Variants in AHDC1 observed in about 807,000 individuals in gnomAD.
The protein encoded by AHDC1 is transcription factor Gibbin.
AHDC1 carries 7 observed loss-of-function variants against 87.9 expected under a neutral mutation model. That is an observed-to-expected ratio of 0.08 (90% confidence interval 0.05 to 0.15). AHDC1 has a LOEUF of 0.15. Among genes scored for constraint, AHDC1 ranks in the 10% least tolerant of loss-of-function variants. The pLI, the probability that AHDC1 is intolerant of heterozygous loss-of-function variation, is 1.00. For synonymous variants in AHDC1, 1,051 were observed against 1,006.8 expected, an observed-to-expected ratio of 1.04 and a Z score of -0.83; for missense variants, 1,841 against 2,253.2, an observed-to-expected ratio of 0.82 and a Z score of 3.70.
chr1:27,601,010 C>T (rs935673540), intron 3 of AHDC1, among the ~76,000 whole-genome samples: 4 of 152,134 alleles, frequency 2.6e-5, no homozygotes, highest in Non-Finnish European at 5.9e-5. Flanking sequence ...GCTCCCTGCC[C>T]CCACGACCCT....
At chr1:27,535,272 G>C (rs2018592238) in intron 8 of AHDC1, among the ~76,000 whole-genome samples, 1 of 152,210 alleles carries the variant, frequency 6.6e-6, no homozygotes, top group South Asian at 2.1e-4. Flanking sequence ...CCTTGGGCAT[G>C]TTGTTGAACT....
At chr1:27,572,448 AT>A (rs1259945159) in intron 3 of AHDC1, among the ~76,000 whole-genome samples, 2 of 152,118 alleles carry the variant, frequency 1.3e-5, no homozygotes, top group Non-Finnish European at 2.9e-5. Context: ...ACAACCTGAC[AT>A]CTGATAGCAG....
chr1:27,552,098 C>T lies in AHDC1; in HGVS notation c.18G>A (p.Gln6=). 6.8e-7 allele frequency: 1 copy of T among 1,469,872 alleles called. No individual in the cohort carries two copies. Among genetic ancestry groups the T allele is most frequent in the Non-Finnish European group, 9.0e-7 (1 of 1,111,312 alleles). 91.1% of individuals were successfully genotyped at this position (1,469,872 alleles called of 1,614,324 possible). A position where few individuals can be genotyped will look rare whatever the true frequency, so the allele number is the denominator to read the frequency against. The change falls in exon 8 of 9, where the codon CAG becomes CAA. Residue 6 remains glutamine, a synonymous_variant. Coordinates refer to ENST00000673934, the MANE Select transcript of AHDC1 (RefSeq NM_001371928.1). ...CGGCACTGGAAGTCACCACCAGGCCCTGGGGCTTCACACGCATCCTGACCT... is the reference window on the plus strand; with the variant it reads ...CGGCACTGGAAGTCACCACCAGGCCTTGGGGCTTCACACGCATCCTGACCT... MRVKP[Q]GLVVTSSAVC...
intron 3 of AHDC1, among the ~76,000 whole-genome samples, chr1:27,573,311 G>A (rs1438255733): frequency 2.6e-5 from 4 of 152,170 alleles, no homozygotes; most frequent in South Asian, 4.1e-4. Context: ...AAGGCCCAGA[G>A]AGGGGAAGCA....
rs1305664980 is a variant in AHDC1, at chr1:27,547,097, G to A, written c.*43+164C>T. ...ACCCCATCTCCTCCTGAGACTGTCCGCAACAGCGAATCCTGAATCCCTACA... is the reference window on the plus strand; with the variant it reads ...ACCCCATCTCCTCCTGAGACTGTCCACAACAGCGAATCCTGAATCCCTACA... On this transcript the variant is annotated intron_variant, in intron 8 of 8. Transcript: ENST00000673934. This position sits in a 1 kb window ranked among gnomAD's most constrained non-coding sequence, Gnocchi z 4.9. 6.6e-6 allele frequency among the ~76,000 whole-genome samples: 1 copy of A among 150,906 alleles called. No homozygotes were observed. Among genetic ancestry groups the A allele is most frequent in the Non-Finnish European group, 1.5e-5 (1 of 67,818 alleles).
chr1:27,546,087 G>A (rs1020129183), intron 8 of AHDC1, among the ~76,000 whole-genome samples: 16 of 152,186 alleles, frequency 1.1e-4, no homozygotes, highest in Non-Finnish European at 2.4e-4. Context: ...CAGGAGCCCA[G>A]CTACTCCTCC....
chr1:27,602,986 T>TCCCCCC (rs552714980), intron 3 of AHDC1, among the ~76,000 whole-genome samples: 6 of 69,824 alleles, frequency 8.6e-5, no homozygotes, highest in Admixed American at 1.4e-4. Flanking sequence ...CCCCCTTCAT[T>TCCCCCC]CCCCCCCCCC....
chr1:27,553,149 T>C lies in AHDC1; in HGVS notation c.-188A>G, dbSNP rs2019653951. On this transcript the variant is annotated 5_prime_UTR_variant, in exon 6 of 9. Transcript: ENST00000673934. ...TCAGCTGGGGGTGCTGTGGAGCAAC[T>C]TCGGCCTGAGCCCAGGCCTCGGGGC... 6.6e-6 allele frequency: 1 copy of C among 152,664 alleles called. No homozygotes were observed. The highest frequency in any genetic ancestry group is 1.5e-5 in the Non-Finnish European group (1 of 68,088). 9.5% of individuals were successfully genotyped at this position (152,664 alleles called of 1,614,324 possible). A position where few individuals can be genotyped will look rare whatever the true frequency, so the allele number is the denominator to read the frequency against.
chr1:27,576,073 C>T (rs1238132080), intron 3 of AHDC1, among the ~76,000 whole-genome samples: 1 of 152,070 alleles, frequency 6.6e-6, no homozygotes, highest in South Asian at 2.1e-4. Context: ...GGCTCCAGGG[C>T]GCCCGCTACC....
chr1:27,572,059 G>GC (rs754760624), intron 3 of AHDC1, among the ~76,000 whole-genome samples: 2 of 151,854 alleles, frequency 1.3e-5, no homozygotes, highest in Non-Finnish European at 2.9e-5. Flanking sequence ...CTGGCCTTCA[G>GC]CCCCCCAACT....
Position 27,550,714 on chromosome 1 carries a change from A to C in AHDC1, c.1402T>G (p.Cys468Gly). The C allele has an allele frequency of 6.2e-7, 1 of 1,605,856 alleles. No homozygotes were observed. Among genetic ancestry groups the C allele is most frequent in the Non-Finnish European group, 8.5e-7 (1 of 1,176,556 alleles). ...ACCACCATGCGCCGCACGCCCCGGC[A>C]CTTGCCTTTGCGGGTAGAGACCACT... ...TPVVSTRKGK[C>G]RGVRRMVVKM... The change falls in exon 8 of 9, where the codon TGC becomes GGC. Residue 468 changes from cysteine to glycine, a missense_variant. Transcript: ENST00000673934.
chr1:27,542,623 C>A (rs1460596972), intron 8 of AHDC1, among the ~76,000 whole-genome samples: 1 of 152,184 alleles, frequency 6.6e-6, no homozygotes, highest in Non-Finnish European at 1.5e-5. Flanking sequence ...AGAGAGGTGA[C>A]GTGACTCATC....
In AHDC1 at chr1:27,549,988, C is replaced by A. The variant is rs772577610; in HGVS notation, c.2128G>T (p.Ala710Ser). 1.0e-5 allele frequency: 16 copies of A among 1,600,628 alleles called. No homozygotes were observed. Among genetic ancestry groups the A allele is most frequent in the East Asian group, 9.0e-5 (4 of 44,638 alleles). The change falls in exon 8 of 9, where the codon GCT becomes TCT. Residue 710 changes from alanine to serine, a missense_variant. Physicochemically the swap from Ala to Ser is moderately conservative, Grantham distance 99 (BLOSUM62 1). Transcript: ENST00000673934. ...KKKKVVAVAA[A>S]GVGGPGLTEL... is the part of the protein sequence containing the mutation. Reference sequence around the variant, plus strand: ...GTAAGGCCCGGGCCCCCGACCCCAGCGGCTGCCACGGCCACCACCTTCTTT... The same window carrying A: ...GTAAGGCCCGGGCCCCCGACCCCAGAGGCTGCCACGGCCACCACCTTCTTT...
At chr1:27,599,839 A>G (rs1455833731) in intron 3 of AHDC1, among the ~76,000 whole-genome samples, 2 of 151,744 alleles carry the variant, frequency 1.3e-5, no homozygotes, top group African/African-American at 4.8e-5. Context: ...GACCTGAAAC[A>G]TTTGTTGAAA....
chr1:27,566,224 A>C (rs911217517), intron 3 of AHDC1, among the ~76,000 whole-genome samples: 8 of 152,164 alleles, frequency 5.3e-5, no homozygotes, highest in Non-Finnish European at 1.0e-4. Flanking sequence ...AGGAAGAGAG[A>C]CAGAAAGATG....
rs1038139826 is a variant in AHDC1, at chr1:27,534,818, A to G, written c.*142T>C. 1 of 9,130 alleles carries G rather than the reference A, an allele frequency of 1.1e-4. No individual in the cohort carries two copies. Among genetic ancestry groups the G allele is most frequent in the African/African-American group, 4.7e-4 (1 of 2,144 alleles). The allele number at this position is 9,130 out of a possible 1,614,324, so 0.6% of individuals were successfully genotyped here. On this transcript the variant is annotated 3_prime_UTR_variant, in exon 9 of 9. Coordinates refer to ENST00000673934, the MANE Select transcript of AHDC1 (RefSeq NM_001371928.1). ...AGGGGGTGGAGGGAGATGGGTCTGC[A>G]GGGGGTGTAGGGGGCAGGGTGGGAG... is the stretch of plus-strand genomic sequence containing the variant.
rs1367099731 is a variant in AHDC1 at position 27,593,971 on chromosome 1, G to A, written c.-629+9426C>T. 6.6e-6 allele frequency among the ~76,000 whole-genome samples: 1 copy of A among 152,128 alleles called. No individual in the cohort carries two copies. The highest frequency in any genetic ancestry group is 1.5e-5 in the Non-Finnish European group (1 of 68,012). On this transcript the variant is annotated intron_variant, in intron 3 of 8. Coordinates refer to ENST00000673934, the MANE Select transcript of AHDC1 (RefSeq NM_001371928.1). The surrounding 1 kb of genome is among the most constrained non-coding windows in gnomAD (Gnocchi z 4.9). Reference sequence around the variant, plus strand: ...TGTGAGCCTTCCCTCAGCAAGAGAGGAGGCACGAGGGACCTCTAGGAAAGA... The same window carrying A: ...TGTGAGCCTTCCCTCAGCAAGAGAGAAGGCACGAGGGACCTCTAGGAAAGA...
intron 3 of AHDC1, among the ~76,000 whole-genome samples, chr1:27,568,884 T>C (rs1463148939): frequency 2.0e-5 from 3 of 151,854 alleles, no homozygotes; most frequent in African/African-American, 7.3e-5. Flanking sequence ...CGACTTGTTC[T>C]TTCTCGGGAT....
rs529194140 is a variant in AHDC1 at position 27,557,277 on chromosome 1, C to T, written c.-225+1028G>A. On this transcript the variant is annotated intron_variant, in intron 5 of 8. Transcript: ENST00000673934. ...CCGCCCTGCTCCGCCCCCCTCCCCT[C>T]CTGCCCTTGGCCCTTCCAGACTCCC... Among the ~76,000 whole-genome samples the T allele has an allele frequency of 3.1e-3, 472 of 151,448 alleles. 3 individuals carry two copies. The highest frequency in any genetic ancestry group is 3.3e-3 in the Non-Finnish European group (226 of 67,758).
Sources: gnomAD v4.1 joint callset for allele counts (sites outside exome capture counted in the v4.1 genomes callset) on GRCh38, gnomAD v4.1.1 for gene constraint, Gnocchi (gnomAD v3.1) non-coding constraint, MANE v1.5 for transcripts, NCBI Gene and HGNC (gene_info 2026-07-23, HGNC 2026-07-21) for gene names.